Variants in PADI1 observed in about 807,000 individuals in gnomAD.
PADI1 encodes the protein protein-arginine deiminase type-1.
Under a neutral mutation model 74.8 loss-of-function variants are expected in PADI1, and 65 were observed. That is an observed-to-expected ratio of 0.87 (90% CI 0.71 to 1.07). The LOEUF is 1.07. Ranked by LOEUF, PADI1 falls within the 50% of genes least tolerant of loss-of-function variation. PADI1 has a pLI of 0.00. For missense variants in PADI1, 943 were observed against 854.0 expected (o/e 1.10, Z -1.30); for synonymous variants, 371 against 336.2 (o/e 1.10, Z -1.13).
chr1:17,240,010 C>T, intron 14 of PADI1: 1 of 532,172 alleles, frequency 1.9e-6, no homozygotes, highest in Non-Finnish European at 3.4e-6. Flanking sequence ...GGAGACCCGG[C>T]CCCACGCTGG....
Position 17,222,426 on chromosome 1 carries a change from G to T in PADI1, c.229G>T (p.Val77Phe). The T allele has an allele frequency of 1.2e-6, 2 of 1,614,092 alleles. No homozygotes were observed. Among genetic ancestry groups the T allele is most frequent in the Non-Finnish European group, 1.7e-6 (2 of 1,179,956 alleles). ...GCCGCTAGACACTGATGCAGACATG[G>T]TCGTATCTGTGGGCACAGCCAGTAA... Reference protein sequence around the residue: ...RWPLDTDADMVVSVGTASKEL... With the variant: ...RWPLDTDADMFVSVGTASKEL... The change falls in exon 2 of 16, where the codon GTC becomes TTC. Residue 77 changes from valine (V) to phenylalanine (F), a missense_variant. By Grantham distance (50) the Val-to-Phe change is conservative. Transcript: ENST00000375471.
At position 17,244,258 on chromosome 1, in the gene PADI1, G is replaced by A. The variant is rs772564568; in HGVS notation, c.*15G>A. ...TGGTGCCCTGAGCCTGCCCCCACCC[G>A]CCATCCTCTCTGCCCTCTTGCTAGG... On this transcript the variant is annotated 3_prime_UTR_variant, in exon 16 of 16. Transcript: ENST00000375471. 4.2e-5 allele frequency: 66 copies of A among 1,585,160 alleles called. No homozygotes were observed. Among genetic ancestry groups the A allele is most frequent in the Middle Eastern group, 1.7e-4 (1 of 6,026 alleles).
intron 2 of PADI1, 69 bp from the exon 3 acceptor site, chr1:17,223,552 C>T (rs2072220956): frequency 1.6e-6 from 2 of 1,275,084 alleles, no homozygotes; most frequent in Non-Finnish European, 1.1e-6. Context: ...CAGGATGTGT[C>T]CCTCATCACC....
At chr1:17,234,337 G>A (rs76224925) in intron 11 of PADI1, among the ~76,000 whole-genome samples, 14,342 of 152,220 alleles carry the variant, frequency 0.094, 695 homozygotes, top group African/African-American at 0.12. Flanking sequence ...TCTTTAAAAC[G>A]GGCCTGATGA....
At chr1:17,223,735 CTCCAGG>C in intron 3 of PADI1, 42 bp downstream of exon 3, 1 of 1,510,116 alleles carries the variant, frequency 6.6e-7, no homozygotes, top group Non-Finnish European at 9.2e-7. Context: ...CCCTTTGCCC[CTCCAGG>C]TTGACTGTTT....
At chr1:17,240,781 T>C in intron 15 of PADI1, 21 bp downstream of exon 15, 1 of 1,611,498 alleles carries the variant, frequency 6.2e-7, no homozygotes, top group Non-Finnish European at 8.5e-7. Context: ...TTGTGCAGGG[T>C]CCTGCTGGGG....
rs534832526 is a variant in PADI1 at position 17,229,657 on chromosome 1, G to A, written c.930-428G>A. ...CCAAACAGGTTTGCTCTGCTTCCCC[G>A]GGTCTAGGTGTGTGTAGGTGTTAAA... On this transcript the variant is annotated intron_variant, in intron 8 of 15. Coordinates refer to ENST00000375471, the MANE Select transcript of PADI1 (RefSeq NM_013358.3). 3.5e-4 allele frequency among the ~76,000 whole-genome samples: 53 copies of A among 152,296 alleles called. No individual in the cohort carries two copies. In the South Asian group the frequency reaches 3.5e-3, roughly 10 times the overall value.
At chr1:17,236,028 G>A (rs202117094) in intron 11 of PADI1, among the ~76,000 whole-genome samples, 1 of 152,140 alleles carries the variant, frequency 6.6e-6, no homozygotes, top group South Asian at 2.1e-4. Context: ...GGTTGGCTAC[G>A]TATTAGGACC....
Position 17,239,790 on chromosome 1 carries a change from G to T in PADI1, c.1632+7G>T, listed in dbSNP as rs1218034432. 2 of 1,607,476 alleles carry T rather than the reference G, an allele frequency of 1.2e-6. No individual in the cohort carries two copies. The highest frequency in any genetic ancestry group is 2.7e-5 in the African/African-American group (2 of 74,808). ...AGACAATCTTCATGCACAGGTGAGA[G>T]GCAGGACCACCAGCTGCTCTAAGGG... On this transcript the variant is annotated splice_region_variant and intron_variant, in intron 14 of 15. Transcript: ENST00000375471.
At chr1:17,211,413 C>T (rs1022285778) in intron 1 of PADI1, among the ~76,000 whole-genome samples, 3 of 152,088 alleles carry the variant, frequency 2.0e-5, no homozygotes, top group Admixed American at 6.6e-5. Flanking sequence ...CTGACCTCAG[C>T]CTCCCAAAGT....
intron 10 of PADI1, among the ~76,000 whole-genome samples, chr1:17,232,424 C>G (rs576371191): frequency 1.3e-5 from 2 of 152,324 alleles, no homozygotes; most frequent in South Asian, 4.1e-4. Context: ...ATGTCTAGAG[C>G]TCTGACAACT....
intron 11 of PADI1, among the ~76,000 whole-genome samples, chr1:17,236,456 A>T (rs114319585): frequency 0.021 from 3,162 of 152,262 alleles, 73 homozygotes; most frequent in African/African-American, 0.055. Context: ...AAAGCCTTGA[A>T]GGAAAAGAGG....
At chr1:17,224,207 G>A (rs940078308) in intron 3 of PADI1, among the ~76,000 whole-genome samples, 160 bp from the exon 4 acceptor site, 3 of 152,244 alleles carry the variant, frequency 2.0e-5, no homozygotes, top group African/African-American at 7.2e-5. Context: ...GAACCACAGG[G>A]CAAGCCACAG....
At chr1:17,240,480 C>A in intron 14 of PADI1, 155 bp from the exon 15 acceptor site, 3 of 772,068 alleles carry the variant, frequency 3.9e-6, no homozygotes, top group Non-Finnish European at 6.1e-6. Flanking sequence ...CTCAGTTTCC[C>A]CCGGACAGCA....
chr1:17,225,747 T>C, intron 4 of PADI1, 64 bp from the exon 5 acceptor site: 2 of 1,166,422 alleles, frequency 1.7e-6, no homozygotes, highest in Non-Finnish European at 2.6e-6. Flanking sequence ...CCTGGCCATG[T>C]CTAGAACCCC....
chr1:17,223,595 T>C, intron 2 of PADI1, 26 bp from the exon 3 acceptor site: 1 of 1,597,244 alleles, frequency 6.3e-7, no homozygotes. Context: ...GTGATGGCCG[T>C]GCAGGCTTAG....
intron 13 of PADI1, 40 bp from the exon 14 acceptor site, chr1:17,239,664 A>G (rs960228347): frequency 1.3e-6 from 2 of 1,485,738 alleles, no homozygotes; most frequent in Admixed American, 3.3e-5. Context: ...GCCTCCAGGC[A>G]GTGCTCCCTG....
chr1:17,239,495 C>T (rs932081492), intron 13 of PADI1: 3 of 535,484 alleles, frequency 5.6e-6, no homozygotes, highest in African/African-American at 3.8e-5. Context: ...GAGTCACTTC[C>T]TGAGGGGTTC....
At chr1:17,229,139 A>G (rs1358849119) in intron 8 of PADI1, 88 bp downstream of exon 8, 20 of 798,438 alleles carry the variant, frequency 2.5e-5, no homozygotes, top group Non-Finnish European at 3.7e-5. Flanking sequence ...CCTCACTCAC[A>G]CCGACGGATT....
Sources: gnomAD v4.1 joint callset for allele counts (sites outside exome capture counted in the v4.1 genomes callset) on GRCh38, gnomAD v4.1.1 for gene constraint, MANE v1.5 for transcripts, NCBI Gene and HGNC (gene_info 2026-07-23, HGNC 2026-07-21) for gene names.